Variants in CACNG3 observed in about 807,000 individuals in gnomAD.
CACNG3 encodes the protein calcium voltage-gated channel auxiliary subunit gamma 3, also known as voltage-dependent calcium channel gamma-3 subunit.
A neutral mutation model predicts 28.5 loss-of-function variants in CACNG3; 3 were observed. The ratio of observed to expected loss-of-function variants is 0.11; its 90% confidence interval spans 0.05 to 0.27. The LOEUF (loss-of-function observed/expected upper bound fraction) is 0.27. Among genes scored for constraint, CACNG3 ranks in the 10% least tolerant of loss-of-function variants. CACNG3 has a pLI of 1.00. For missense variants in CACNG3, 236 were observed against 414.4 expected (o/e 0.57, Z 3.74); for synonymous variants, 174 against 162.2 (o/e 1.07, Z -0.55).
intron 1 of CACNG3, among the ~76,000 whole-genome samples, chr16:24,290,380 C>T (rs17759710): frequency 0.2 from 30,805 of 152,010 alleles, 3,592 homozygotes; most frequent in Non-Finnish European, 0.28. Context: ...TAAGGTTGAC[C>T]GTAAACTGAG....
At chr16:24,328,673 C>G (rs1405215913) in intron 1 of CACNG3, among the ~76,000 whole-genome samples, 1 of 152,064 alleles carries the variant, frequency 6.6e-6, no homozygotes, top group African/African-American at 2.4e-5. Flanking sequence ...TGGAGATGTT[C>G]AAGTGAGGTG....
chr16:24,331,185 G>C (rs77216639), intron 1 of CACNG3, among the ~76,000 whole-genome samples: 4,187 of 152,160 alleles, frequency 0.028, 137 homozygotes, highest in African/African-American at 0.077. Context: ...TGGCTCTGAG[G>C]TCCAGGACTA....
At chr16:24,276,346 C>A (rs1898753618) in intron 1 of CACNG3, among the ~76,000 whole-genome samples, 1 of 151,964 alleles carries the variant, frequency 6.6e-6, no homozygotes, top group Non-Finnish European at 1.5e-5. Context: ...GTTTTAATTT[C>A]TGATATAGGA....
intron 1 of CACNG3, among the ~76,000 whole-genome samples, chr16:24,260,336 A>G (rs1898521522): frequency 6.6e-6 from 1 of 152,214 alleles, no homozygotes; most frequent in African/African-American, 2.4e-5. Flanking sequence ...ACCTACCAGA[A>G]TATCCCTTAC....
At chr16:24,281,690 G>A (rs1174260714) in intron 1 of CACNG3, among the ~76,000 whole-genome samples, 1 of 152,172 alleles carries the variant, frequency 6.6e-6, no homozygotes, top group Non-Finnish European at 1.5e-5. Context: ...TCTTGAAGTA[G>A]GAGGGGCATA....
intron 3 of CACNG3, among the ~76,000 whole-genome samples, chr16:24,356,244 A>G (rs1326590078): frequency 6.6e-6 from 1 of 152,174 alleles, no homozygotes; most frequent in Non-Finnish European, 1.5e-5. Context: ...GTGATGGTAG[A>G]GTACTGATTG....
rs538397216 is a variant in CACNG3, at chr16:24,339,233, T to C, written c.212-7501T>C. ...ATTATTTCTCTGTATTGAAAAAATA[T>C]CATAGTAAATGTGATTTTAAAATGC... On this transcript the variant is annotated intron_variant, in intron 1 of 3. Coordinates refer to ENST00000005284, the MANE Select transcript of CACNG3 (RefSeq NM_006539.4). 2.6e-5 allele frequency among the ~76,000 whole-genome samples: 4 copies of C among 152,314 alleles called. No homozygotes were observed. In the South Asian group the frequency reaches 8.3e-4, roughly 32 times the overall value.
chr16:24,348,084 A>G (rs1899893613), intron 2 of CACNG3, among the ~76,000 whole-genome samples: 1 of 152,182 alleles, frequency 6.6e-6, no homozygotes, highest in Non-Finnish European at 1.5e-5. Context: ...TTCTTCAGCA[A>G]GAATTTGTGT....
chr16:24,359,185 A>G (rs543441730), intron 3 of CACNG3, among the ~76,000 whole-genome samples: 1 of 152,248 alleles, frequency 6.6e-6, no homozygotes, highest in Admixed American at 6.5e-5. Flanking sequence ...AGGGGGCATC[A>G]ATAGAAGCCA....
chr16:24,285,503 A>T (rs1898880784), intron 1 of CACNG3, among the ~76,000 whole-genome samples: 1 of 152,172 alleles, frequency 6.6e-6, no homozygotes, highest in African/African-American at 2.4e-5. Flanking sequence ...ACACACATAC[A>T]TGCACAGGAG....
chr16:24,339,479 A>G lies in CACNG3; in HGVS notation c.212-7255A>G, dbSNP rs181031004. Reference sequence around the variant, plus strand: ...CAGCTCACTGCAATCTACGCCTCCCAGGTTAGACAGATTCTCCTGCTTCGG... The same window carrying G: ...CAGCTCACTGCAATCTACGCCTCCCGGGTTAGACAGATTCTCCTGCTTCGG... On this transcript the variant is annotated intron_variant, in intron 1 of 3. Coordinates refer to ENST00000005284, the MANE Select transcript of CACNG3 (RefSeq NM_006539.4). 2.0e-5 allele frequency among the ~76,000 whole-genome samples: 3 copies of G among 150,826 alleles called. 1 individual carries two copies. In the Admixed American group the frequency reaches 2.0e-4, roughly 10 times the overall value.
intron 1 of CACNG3, among the ~76,000 whole-genome samples, chr16:24,334,236 G>A (rs969189666): frequency 1.3e-5 from 2 of 152,142 alleles, no homozygotes; most frequent in Admixed American, 6.5e-5. Context: ...GGGCTTTTGG[G>A]GGCCTGGAAT....
At chr16:24,257,150 G>T (rs1413857492) in intron 1 of CACNG3, among the ~76,000 whole-genome samples, 185 bp downstream of exon 1, 1 of 152,092 alleles carries the variant, frequency 6.6e-6, no homozygotes, top group Non-Finnish European at 1.5e-5. Context: ...GTTGGGTCTT[G>T]TTGATTGTTT....
At chr16:24,284,191 A>T (rs775834072) in intron 1 of CACNG3, among the ~76,000 whole-genome samples, 2 of 152,138 alleles carry the variant, frequency 1.3e-5, no homozygotes, top group Non-Finnish European at 2.9e-5. Flanking sequence ...TACACTTGTC[A>T]ATGAAATTTT....
chr16:24,267,251 C>T (rs889507840), intron 1 of CACNG3, among the ~76,000 whole-genome samples: 1 of 152,080 alleles, frequency 6.6e-6, no homozygotes, highest in African/African-American at 2.4e-5. Flanking sequence ...CAGGTTTGAG[C>T]CACCGCACCT....
chr16:24,344,323 C>T (rs957221833), intron 1 of CACNG3, among the ~76,000 whole-genome samples: 9 of 151,628 alleles, frequency 5.9e-5, no homozygotes, highest in East Asian at 1.9e-4. Context: ...GCACAAGAAT[C>T]GCTTGAACCT....
chr16:24,298,974 AC>A (rs2141358957), intron 1 of CACNG3, among the ~76,000 whole-genome samples: 1 of 152,272 alleles, frequency 6.6e-6, no homozygotes, highest in Non-Finnish European at 1.5e-5. Flanking sequence ...AACATGACTC[AC>A]CACTGATGAC....
intron 1 of CACNG3, among the ~76,000 whole-genome samples, chr16:24,288,801 C>T (rs1342013652): frequency 1.3e-5 from 2 of 152,114 alleles, no homozygotes; most frequent in African/African-American, 4.8e-5. Flanking sequence ...TGGATGTTTG[C>T]AATCTGAAGC....
At chr16:24,323,969 T>C (rs1183547424) in intron 1 of CACNG3, among the ~76,000 whole-genome samples, 2 of 152,220 alleles carry the variant, frequency 1.3e-5, no homozygotes, top group Non-Finnish European at 2.9e-5. Context: ...GGTTTCACCA[T>C]GTTGACCAGG....
Sources: allele counts gnomAD v4.1 joint callset (sites outside exome capture counted in the v4.1 genomes callset), GRCh38; gene constraint gnomAD v4.1.1; transcripts MANE v1.5; gene names NCBI Gene and HGNC (gene_info 2026-07-23, HGNC 2026-07-21).